SUN1: variants seen among roughly 807,000 people sequenced by gnomAD.
SUN1 encodes Sad1 and UNC84 domain containing 1.
Under a neutral mutation model 103.2 loss-of-function variants are expected in SUN1, and 61 were observed. The ratio of observed to expected loss-of-function variants is 0.59; its 90% CI spans 0.48 to 0.73. SUN1 has a LOEUF of 0.73. Ranked by LOEUF, SUN1 falls within the 30% of genes least tolerant of loss-of-function variation. The pLI is 0.00. For synonymous variants in SUN1, 490 were observed against 425.7 expected (o/e 1.15, Z -1.86); for missense variants, 1,052 against 1,034.6 (o/e 1.02, Z -0.23).
At chr7:844,416 G>GC (rs910904544) in intron 5 of SUN1, among the ~76,000 whole-genome samples, 5 of 152,234 alleles carry the variant, frequency 3.3e-5, no homozygotes, top group African/African-American at 1.2e-4. Flanking sequence ...GCCTGGCATT[G>GC]CCCGGGACGT....
rs866086187 is a variant in SUN1 at position 873,950 on chromosome 7, G to A, written c.*619G>A. On this transcript the variant is annotated 3_prime_UTR_variant, in exon 19 of 19. Transcript: ENST00000401592. ...AGGACTCGCTGTACCAATATCCATG[G>A]AGGAATATGGGAGCGTTTCGCTCTC... The A allele has an allele frequency of 8.5e-5, 13 of 152,494 alleles. No individual in the cohort carries two copies. Among genetic ancestry groups the A allele is most frequent in the Middle Eastern group, 6.8e-3 (2 of 294 alleles). The allele number at this position is 152,494 out of a possible 1,614,324, so 9.4% of individuals were successfully genotyped here.
chr7:856,787 C>T (rs918518225), intron 12 of SUN1, among the ~76,000 whole-genome samples: 4 of 152,324 alleles, frequency 2.6e-5, no homozygotes, highest in Non-Finnish European at 5.9e-5. Context: ...CCGCTGGCAC[C>T]GTTGGCATCT....
intron 17 of SUN1, among the ~76,000 whole-genome samples, chr7:871,790 A>G (rs1260432457): frequency 1.3e-5 from 2 of 152,176 alleles, no homozygotes; most frequent in Non-Finnish European, 2.9e-5. Flanking sequence ...GTCCTTTCCC[A>G]TTTCAAAATA....
intron 1 of SUN1, among the ~76,000 whole-genome samples, chr7:826,638 T>C (rs966398465): frequency 1.1e-4 from 16 of 152,178 alleles, no homozygotes; most frequent in African/African-American, 3.9e-4. Flanking sequence ...GACTGTTGTT[T>C]CAGGAGGTAG....
chr7:851,942 T>C lies in SUN1; in HGVS notation c.758-8T>C, dbSNP rs1822614438. On this transcript the variant is annotated splice_region_variant and splice_polypyrimidine_tract_variant and intron_variant, in intron 6 of 18. Transcript: ENST00000401592. ...TTTCCTTAGAATGTTTGGTGTTTTC[T>C]CTTGTAGGGAAGGCAGCCTCTGGAG... 3 of 1,613,498 alleles carry C rather than the reference T, an allele frequency of 1.9e-6. No individual in the cohort carries two copies. In the South Asian group the frequency reaches 3.3e-5, roughly 18 times the overall value.
intron 5 of SUN1, among the ~76,000 whole-genome samples, chr7:849,341 C>A (rs376877897): frequency 1.0e-3 from 159 of 152,362 alleles, no homozygotes; most frequent in Non-Finnish European, 1.9e-3. Context: ...CACGTCTCTT[C>A]TCGTGGCCCG....
At chr7:835,897 C>T (rs1011183732) in intron 1 of SUN1, among the ~76,000 whole-genome samples, 16 of 152,208 alleles carry the variant, frequency 1.1e-4, no homozygotes, top group Non-Finnish European at 1.9e-4. Flanking sequence ...CATCCAGCCT[C>T]TCATGGGGGT....
At chr7:855,581 TGTG>T (rs989926379) in intron 11 of SUN1, among the ~76,000 whole-genome samples, 22 of 152,004 alleles carry the variant, frequency 1.4e-4, no homozygotes, top group African/African-American at 4.8e-4. Flanking sequence ...CCTTGAGAAG[TGTG>T]GTGAGCCTAA....
At chr7:852,537 G>A in intron 7 of SUN1, 72 bp from the exon 8 acceptor site, 6 of 1,589,518 alleles carry the variant, frequency 3.8e-6, no homozygotes, top group Non-Finnish European at 5.2e-6. Context: ...AAATTATCTA[G>A]AGGGGGAAAA....
chr7:836,977 T>G (rs1388885633), intron 1 of SUN1, among the ~76,000 whole-genome samples: 1 of 152,114 alleles, frequency 6.6e-6, no homozygotes, highest in African/African-American at 2.4e-5. Context: ...AGAAGGCCAT[T>G]GAGGGCTGGG....
intron 1 of SUN1, among the ~76,000 whole-genome samples, chr7:833,621 A>G (rs1002942796): frequency 6.6e-6 from 1 of 152,228 alleles, no homozygotes; most frequent in African/African-American, 2.4e-5. Context: ...TCAGTGGGTT[A>G]TCCTCTAAAG....
At chr7:865,650 C>A (rs562179827) in intron 15 of SUN1, among the ~76,000 whole-genome samples, 2 of 152,266 alleles carry the variant, frequency 1.3e-5, no homozygotes, top group East Asian at 3.9e-4. Context: ...TTTTAGTTTT[C>A]TTGGGGACCT....
chr7:850,888 C>T (rs995635972), intron 5 of SUN1: 1 of 152,516 alleles, frequency 6.6e-6, no homozygotes, highest in South Asian at 2.1e-4. Flanking sequence ...TCCGGCAGTG[C>T]TGTGTTACCA....
At chr7:856,182 T>C (rs1423208264) in intron 11 of SUN1, among the ~76,000 whole-genome samples, 176 bp from the exon 12 acceptor site, 1 of 152,254 alleles carries the variant, frequency 6.6e-6, no homozygotes, top group African/African-American at 2.4e-5. Flanking sequence ...GCACACGTAA[T>C]GAAGGTTACT....
chr7:831,156 C>T (rs189442149), upstream of SUN1: 206 of 405,240 alleles, frequency 5.1e-4, 1 homozygote, highest in African/African-American at 4.3e-3. Context: ...TTGCAAAAGG[C>T]TGTTGAAGCG....
Position 873,277 on chromosome 7 carries a change from T to G in SUN1, c.2304T>G (p.His768Gln). ...VELRIFSNWGHPEYTCLYRFR... is the reference protein window; with the variant it reads ...VELRIFSNWGQPEYTCLYRFR... ...TTCGGATTTTTTCTAACTGGGGCCA[T>G]CCTGAGTATACCTGTCTGTATCGGT... The change falls in exon 19 of 19, where the codon CAT becomes CAG. Residue 768 changes from histidine (H) to glutamine (Q), a missense_variant. Around this residue, in one of 2 missense-constraint regions of SUN1, gnomAD observed 206 missense variants for 260.1 expected, o/e 0.79. Transcript: ENST00000401592. 6.2e-7 allele frequency: 1 copy of G among 1,614,250 alleles called. No individual in the cohort carries two copies. Among genetic ancestry groups the G allele is most frequent in the Non-Finnish European group, 8.5e-7 (1 of 1,180,044 alleles).
At position 851,422 on chromosome 7, in the gene SUN1, G is replaced by A. The variant is rs377582591; in HGVS notation, c.697G>A (p.Val233Met). 1.1e-5 allele frequency: 18 copies of A among 1,610,376 alleles called. No individual in the cohort carries two copies. In the African/African-American group the frequency reaches 2.0e-4, roughly 18 times the overall value. Residue 233 changes from valine (V) to methionine (M), a missense_variant, in exon 6 of 19, where the codon GTG becomes ATG. By Grantham distance (21) the Val-to-Met change is conservative. This residue lies in a region of SUN1 where 846 missense variants were observed against 774.5 expected (regional missense o/e 1.09). Coordinates refer to ENST00000401592, the MANE Select transcript of SUN1 (RefSeq NM_001130965.3). ...GCAGATTCTGCGCAGGATCGGAGCTGTGGGCCAGGCTGTGTCCAGGACGGC... is the reference window on the plus strand; with the variant it reads ...GCAGATTCTGCGCAGGATCGGAGCTATGGGCCAGGCTGTGTCCAGGACGGC... ...LLQILRRIGA[V>M]GQAVSRTAWS...
chr7:843,989 A>C, intron 5 of SUN1: 1 of 708,234 alleles, frequency 1.4e-6, no homozygotes, highest in Non-Finnish European at 1.8e-6. Flanking sequence ...CCTTCAGAGA[A>C]CCTGTAGGTC....
chr7:839,549 C>CCCAGTTCATTCTTTAGGTCTTT (rs1399157020), intron 2 of SUN1, among the ~76,000 whole-genome samples: 17 of 118,206 alleles, frequency 1.4e-4, no homozygotes, highest in East Asian at 6.8e-4. Context: ...CCACGCCTGG[C>CCCAGTTCATTCTTTAGGTCTTT]AAATTTTCCT....
Sources: allele counts gnomAD v4.1 joint callset (sites outside exome capture counted in the v4.1 genomes callset), GRCh38; gene constraint gnomAD v4.1.1; regional missense constraint gnomAD v4.1.1; transcripts MANE v1.5; gene names NCBI Gene and HGNC (gene_info 2026-07-23, HGNC 2026-07-21).